TNRC6B: variants seen among roughly 807,000 people sequenced by gnomAD.
TNRC6B encodes the protein trinucleotide repeat containing adaptor 6B.
TNRC6B carries 52 observed loss-of-function variants against 203.6 expected under a neutral mutation model. The ratio of observed to expected loss-of-function variants is 0.26; its 90% CI spans 0.20 to 0.32. TNRC6B has a LOEUF of 0.32. Among genes scored for constraint, TNRC6B ranks in the 10% least tolerant of loss-of-function variants. The pLI, the probability that TNRC6B is intolerant of heterozygous loss-of-function variation, is 1.00. For synonymous variants in TNRC6B, 838 were observed against 845.7 expected, an observed-to-expected ratio of 0.99 and a Z score of 0.16; for missense variants, 1,923 against 2,286.2, an observed-to-expected ratio of 0.84 and a Z score of 3.24.
intron 4 of TNRC6B, among the ~76,000 whole-genome samples, chr22:40,164,774 AAAAAGTT>A (rs2068903703): frequency 2.9e-5 from 3 of 105,150 alleles, no homozygotes; most frequent in Non-Finnish European, 5.4e-5. Context: ...AAAAAAAAAA[AAAAAGTT>A]TTTTTTTTTT....
At chr22:40,208,435 G>A (rs141127122) in intron 1 of TNRC6B, among the ~76,000 whole-genome samples, 129 of 152,306 alleles carry the variant, frequency 8.5e-4, no homozygotes, top group South Asian at 1.7e-3. Context: ...TAAATACAGC[G>A]TGGTACTCTT....
At chr22:40,146,565 T>TTC (rs2068697326) in intron 3 of TNRC6B, among the ~76,000 whole-genome samples, 1 of 97,960 alleles carries the variant, frequency 1.0e-5, no homozygotes, top group Non-Finnish European at 1.7e-5. Context: ...CGGCTAATTT[T>TTC]TTTTTTTTTT....
At chr22:40,053,134 C>T (rs898069341) in intron 1 of TNRC6B, among the ~76,000 whole-genome samples, 15 of 148,708 alleles carry the variant, frequency 1.0e-4, no homozygotes, top group Admixed American at 4.7e-4. Context: ...TAACATATAC[C>T]ACTCGATGTG....
chr22:40,186,753 TTAAAAA>T (rs1210418786), intron 1 of TNRC6B, among the ~76,000 whole-genome samples: 3 of 149,308 alleles, frequency 2.0e-5, no homozygotes, highest in Admixed American at 1.3e-4. Context: ...AAAAAAAAAG[TTAAAAA>T]TAAAAAGAAA....
At chr22:40,158,100 G>A (rs983960973) in intron 4 of TNRC6B, among the ~76,000 whole-genome samples, 12 of 152,076 alleles carry the variant, frequency 7.9e-5, no homozygotes, top group African/African-American at 2.7e-4. Context: ...CACTTTGGGA[G>A]GCCAAGGCGA....
At chr22:40,244,804 T>C (rs925233551) in intron 1 of TNRC6B, among the ~76,000 whole-genome samples, 1 of 152,234 alleles carries the variant, frequency 6.6e-6, no homozygotes, top group Non-Finnish European at 1.5e-5. Context: ...GGTTTCCCAC[T>C]GTGAGCTTTG....
intron 3 of TNRC6B, among the ~76,000 whole-genome samples, chr22:40,132,943 C>CAAAAAAAAAAAA (rs71199270): frequency 4.2e-5 from 1 of 23,878 alleles, no homozygotes. Context: ...GACTCTGTCT[C>CAAAAAAAAAAAA]AAAAAAAAAA....
chr22:40,301,659 A>G (rs2071025561), intron 15 of TNRC6B, among the ~76,000 whole-genome samples: 1 of 152,060 alleles, frequency 6.6e-6, no homozygotes, highest in African/African-American at 2.4e-5. Flanking sequence ...ACATATCAGA[A>G]TTCATCCCTT....
At chr22:40,302,427 G>A (rs2071035216) in intron 15 of TNRC6B, among the ~76,000 whole-genome samples, 1 of 152,168 alleles carries the variant, frequency 6.6e-6, no homozygotes, top group African/African-American at 2.4e-5. Flanking sequence ...GAGGTCAGGA[G>A]ATCGAGACCA....
intron 1 of TNRC6B, among the ~76,000 whole-genome samples, chr22:40,219,665 T>G (rs921229494): frequency 6.6e-6 from 1 of 152,196 alleles, no homozygotes; most frequent in African/African-American, 2.4e-5. Flanking sequence ...TCCCCATGTC[T>G]TGGGTCTGTC....
At chr22:40,210,354 AG>A (rs1289012106) in intron 1 of TNRC6B, among the ~76,000 whole-genome samples, 1 of 152,208 alleles carries the variant, frequency 6.6e-6, no homozygotes, top group Non-Finnish European at 1.5e-5. Context: ...TCCTAACACC[AG>A]GCATTGGCCC....
rs1243597796 is a variant in TNRC6B, at chr22:40,328,320, C to A, written c.*5079C>A. On this transcript the variant is annotated 3_prime_UTR_variant, in exon 23 of 23. Coordinates refer to ENST00000454349, the MANE Select transcript of TNRC6B (RefSeq NM_001162501.2). ...TCCTGTTGTAAGAATTTTCCCACCTCTTCTGACATGAATGTAGCATAAGTT... is the reference window on the plus strand; with the variant it reads ...TCCTGTTGTAAGAATTTTCCCACCTATTCTGACATGAATGTAGCATAAGTT... The A allele has an allele frequency of 6.6e-6, 1 of 152,216 alleles. No individual in the cohort carries two copies. The highest frequency in any genetic ancestry group is 1.5e-5 in the Non-Finnish European group (1 of 68,034). The allele number at this position is 152,216 out of a possible 1,614,324, so 9.4% of individuals were successfully genotyped here.
At chr22:40,183,138 C>G (rs529970163) in intron 1 of TNRC6B, among the ~76,000 whole-genome samples, 1 of 152,100 alleles carries the variant, frequency 6.6e-6, no homozygotes, top group African/African-American at 2.4e-5. Flanking sequence ...CACTGTGTGA[C>G]GATGGTAGGC....
At chr22:40,159,048 C>T (rs956728036) in intron 4 of TNRC6B, among the ~76,000 whole-genome samples, 9 of 151,806 alleles carry the variant, frequency 5.9e-5, no homozygotes, top group Admixed American at 2.6e-4. Context: ...CTGCAAGCTC[C>T]GCCTCCCGGG....
chr22:40,066,549 C>T (rs2067894829), intron 1 of TNRC6B, among the ~76,000 whole-genome samples: 1 of 151,942 alleles, frequency 6.6e-6, no homozygotes. Context: ...TGTTTGAGGT[C>T]CAAAATGAGC....
At chr22:40,246,864 G>C (rs946168027) in intron 2 of TNRC6B, among the ~76,000 whole-genome samples, 2 of 152,112 alleles carry the variant, frequency 1.3e-5, no homozygotes, top group Non-Finnish European at 2.9e-5. Flanking sequence ...AAAGGATCTA[G>C]TGAGCCCACG....
intron 4 of TNRC6B, among the ~76,000 whole-genome samples, chr22:40,165,334 G>C (rs1452553030): frequency 1.3e-5 from 2 of 151,828 alleles, no homozygotes; most frequent in African/African-American, 4.8e-5. Flanking sequence ...GCACTACCAT[G>C]CCTGGCTAAT....
At chr22:40,317,361 C>T (rs920216614) in intron 21 of TNRC6B, among the ~76,000 whole-genome samples, 2 of 152,140 alleles carry the variant, frequency 1.3e-5, no homozygotes, top group Admixed American at 6.5e-5. Flanking sequence ...GGATGGATCA[C>T]GAGGTCAAGA....
intron 2 of TNRC6B, among the ~76,000 whole-genome samples, chr22:40,121,917 G>C (rs1276955262): frequency 3.3e-5 from 5 of 152,194 alleles, no homozygotes; most frequent in Admixed American, 2.0e-4. Context: ...ACAAGCTAGT[G>C]TATAACTATA....
Sources: gnomAD v4.1 joint callset for allele counts (sites outside exome capture counted in the v4.1 genomes callset) on GRCh38, gnomAD v4.1.1 for gene constraint, MANE v1.5 for transcripts, NCBI Gene and HGNC (gene_info 2026-07-23, HGNC 2026-07-21) for gene names.